The following VIP variants were observed in gnomAD, a reference collection of about 807,000 sequenced individuals.
VIP encodes the protein vasoactive intestinal peptide.
VIP carries 18 observed loss-of-function variants against 20.1 expected under a neutral mutation model. That is an observed-to-expected ratio of 0.90 (90% CI 0.62 to 1.33). VIP has a LOEUF of 1.33. Among genes scored for constraint, VIP ranks in the 40% most tolerant of loss-of-function variants. The probability of loss-of-function intolerance (pLI) is 0.00; values close to 1 mark genes in which losing one functional copy is unlikely to be tolerated. For synonymous variants in VIP, 70 were observed against 68.1 expected, an observed-to-expected ratio of 1.03 and a Z score of -0.14; for missense variants, 209 against 199.4, an observed-to-expected ratio of 1.05 and a Z score of -0.29.
chr6:152,754,674 T>C (rs141932022), intron 3 of VIP, among the ~76,000 whole-genome samples: 1 of 152,112 alleles, frequency 6.6e-6, no homozygotes, highest in East Asian at 1.9e-4. Context: ...GCTGTTTGTC[T>C]AGAGCATCAT....
At position 152,757,199 on chromosome 6, in the gene VIP, G is replaced by T. The variant is rs2099730552; in HGVS notation, c.*43+15G>T. 6.5e-7 allele frequency: 1 copy of T among 1,529,652 alleles called. No homozygotes were observed. The highest frequency in any genetic ancestry group is 9.0e-7 in the Non-Finnish European group (1 of 1,109,112). The allele number at this position is 1,529,652 out of a possible 1,614,324, so 94.8% of individuals were successfully genotyped here. On this transcript the variant is annotated intron_variant, in intron 6 of 6. Coordinates refer to ENST00000367244, the MANE Select transcript of VIP (RefSeq NM_003381.4). ...ACTTCCCAGTGGTGGGTATATTCGT[G>T]CATTCCTTCTGTATTCTTATGGCTG...
intron 1 of VIP, among the ~76,000 whole-genome samples, 171 bp from the exon 2 acceptor site, chr6:152,751,997 G>A (rs1417586421): frequency 6.6e-6 from 1 of 152,146 alleles, no homozygotes; most frequent in Non-Finnish European, 1.5e-5. Flanking sequence ...CTGTCACTGA[G>A]AGAAATACTG....
At chr6:152,755,004 C>T (rs1481893523) in intron 3 of VIP, among the ~76,000 whole-genome samples, 1 of 151,926 alleles carries the variant, frequency 6.6e-6, no homozygotes, top group South Asian at 2.1e-4. Flanking sequence ...AAAGATTCAA[C>T]CATGGAGGAA....
chr6:152,754,144 C>T, intron 2 of VIP, 22 bp from the exon 3 acceptor site: 1 of 1,604,474 alleles, frequency 6.2e-7, no homozygotes, highest in Non-Finnish European at 8.5e-7. Flanking sequence ...ATGTATTATT[C>T]TCGTGTAACT....
chr6:152,756,343 T>A, intron 5 of VIP, 78 bp downstream of exon 5: 6 of 1,461,810 alleles, frequency 4.1e-6, no homozygotes, highest in Non-Finnish European at 5.5e-6. Context: ...GAGACCTCTC[T>A]ATCTCACTTA....
At position 152,755,452 on chromosome 6, in the gene VIP, A is replaced by G; in HGVS notation, c.335+79A>G. The G allele has an allele frequency of 4.4e-6, 4 of 913,068 alleles. No homozygotes were observed. The East Asian group carries it at 9.2e-5, about 21-fold the overall frequency. 56.6% of individuals were successfully genotyped at this position (913,068 alleles called of 1,614,324 possible). ...ATTGTATTTTCACTCTTAACAAGTT[A>G]TTTACTTTGTTTGAAATTGAAAACT... On this transcript the variant is annotated intron_variant, in intron 4 of 6. Transcript: ENST00000367244.
intron 4 of VIP, 66 bp from the exon 5 acceptor site, chr6:152,756,068 G>C: frequency 7.2e-7 from 1 of 1,395,870 alleles, no homozygotes; most frequent in South Asian, 2.0e-5. Flanking sequence ...CAAGAAACCT[G>C]GAACATGTGT....
chr6:152,755,185 ATT>A, intron 3 of VIP, 82 bp from the exon 4 acceptor site: 1 of 843,866 alleles, frequency 1.2e-6, no homozygotes, highest in Non-Finnish European at 1.8e-6. Context: ...TAAGCCCATA[ATT>A]TTTTTGTTAT....
intron 5 of VIP, 48 bp from the exon 6 acceptor site, chr6:152,757,048 T>C: frequency 1.3e-6 from 2 of 1,591,214 alleles, no homozygotes; most frequent in South Asian, 1.1e-5. Flanking sequence ...CTTTAGACCC[T>C]TTCTCATCTG....
chr6:152,751,298 C>T (rs35643203), intron 1 of VIP, among the ~76,000 whole-genome samples: 5,528 of 151,948 alleles, frequency 0.036, 144 homozygotes, highest in Middle Eastern at 0.13. Context: ...AAATTTTCAA[C>T]TTATTTTTAA....
In VIP at chr6:152,759,717, TA is replaced by T. The variant is rs2129075548; in HGVS notation, c.*853del. 6.6e-6 allele frequency: 1 copy of T among 152,134 alleles called. No individual in the cohort carries two copies. Among genetic ancestry groups the T allele is most frequent in the South Asian group, 2.1e-4 (1 of 4,824 alleles). The allele number at this position is 152,134 out of a possible 1,614,324, so 9.4% of individuals were successfully genotyped here. ...CACAACTATTTTTCCAAAATAATTT[TA>T]AGAAATCAAAGAGAGAAAATAAAGA... On this transcript the variant is annotated 3_prime_UTR_variant, in exon 7 of 7. Coordinates refer to ENST00000367244, the MANE Select transcript of VIP (RefSeq NM_003381.4).
rs2099730267 is a variant in VIP at position 152,755,361 on chromosome 6, G to A, written c.323G>A (p.Gly108Glu). Residue 108 changes from glycine to glutamate, a missense_variant, in exon 4 of 7, where the codon GGA (glycine) becomes GAA (glutamate). Physicochemically the swap from Gly to Glu is moderately conservative, Grantham distance 98. Coordinates refer to ENST00000367244, the MANE Select transcript of VIP (RefSeq NM_003381.4). ...SAKKYLESLMGKRVSSNISED... is the reference protein window; with the variant it reads ...SAKKYLESLMEKRVSSNISED... ...AAAAAGTACCTTGAGTCTCTTATGG[G>A]AAAACGTGTTAGGTAAAGAGAATTT... is the stretch of plus-strand genomic sequence containing the variant. 1.9e-6 allele frequency: 3 copies of A among 1,565,538 alleles called. No individual in the cohort carries two copies. Among genetic ancestry groups the A allele is most frequent in the Non-Finnish European group, 2.6e-6 (3 of 1,153,804 alleles).
rs74582995 is a variant in VIP at position 152,752,356 on chromosome 6, T to C, written c.107+72T>C. The stretch of plus-strand genomic sequence containing the variant: ...AAATGGGAATTTCCTATACATTTTG[T>C]TGGACAACTAAATAGTATAAATTAT... On this transcript the variant is annotated intron_variant, in intron 2 of 6. Transcript: ENST00000367244. The C allele has an allele frequency of 1.9e-3, 2,419 of 1,293,028 alleles. 41 individuals carry two copies. The African/African-American group carries it at 0.032, about 17-fold the overall frequency. The allele number at this position is 1,293,028 out of a possible 1,614,324, so 80.1% of individuals were successfully genotyped here. A position where few individuals can be genotyped will look rare whatever the true frequency, so the allele number is the denominator to read the frequency against.
At chr6:152,756,403 A>G (rs560124825) in intron 5 of VIP, 138 bp downstream of exon 5, 2 of 1,006,602 alleles carry the variant, frequency 2.0e-6, no homozygotes, top group African/African-American at 3.3e-5. Context: ...CTGACATTAG[A>G]CTACCCCGCA....
intron 6 of VIP, among the ~76,000 whole-genome samples, chr6:152,757,636 A>G (rs2129075181): frequency 6.6e-6 from 1 of 152,078 alleles, no homozygotes; most frequent in Non-Finnish European, 1.5e-5. Flanking sequence ...ATGGCCCATT[A>G]CTATGAAAAT....
rs754723492 is a variant in VIP, at chr6:152,757,074, A to G, written c.468-22A>G. 9 of 1,611,090 alleles carry G rather than the reference A, an allele frequency of 5.6e-6. No individual in the cohort carries two copies. In the South Asian group the frequency reaches 9.9e-5, roughly 18 times the overall value. Reference sequence around the variant, plus strand: ...TTCTCATCTGAGAGCCTTAATATGTACAATGTTTTTCTGGTCTGCAGCAGT... The same window carrying G: ...TTCTCATCTGAGAGCCTTAATATGTGCAATGTTTTTCTGGTCTGCAGCAGT... On this transcript the variant is annotated intron_variant, in intron 5 of 6. Coordinates refer to ENST00000367244, the MANE Select transcript of VIP (RefSeq NM_003381.4).
In VIP at chr6:152,754,191, G is replaced by A. The variant is rs752652090; in HGVS notation, c.133G>A (p.Gly45Arg). Residue 45 changes from glycine to arginine, a missense_variant, in exon 3 of 7, where the codon GGA becomes AGA. By Grantham distance (125) the Gly-to-Arg change is moderately radical. Coordinates refer to ENST00000367244, the MANE Select transcript of VIP (RefSeq NM_003381.4). ...LRLGDRIPFE[G>R]ANEPDQVSLK... ...GTTGGGTGACAGAATACCCTTTGAGGGAGCAAATGAACCTGATCAAGTTTC... is the reference window on the plus strand; with the variant it reads ...GTTGGGTGACAGAATACCCTTTGAGAGAGCAAATGAACCTGATCAAGTTTC... 6.2e-6 allele frequency: 10 copies of A among 1,610,800 alleles called. No individual in the cohort carries two copies. Among genetic ancestry groups the A allele is most frequent in the Non-Finnish European group, 8.5e-6 (10 of 1,178,400 alleles).
At chr6:152,757,466 A>G (rs1025903595) in intron 6 of VIP, among the ~76,000 whole-genome samples, 2 of 151,888 alleles carry the variant, frequency 1.3e-5, no homozygotes, top group Admixed American at 1.3e-4. Flanking sequence ...CTACCTTTGT[A>G]TCAAGATAAA....
At chr6:152,757,310 A>G (rs751442383) in intron 6 of VIP, 126 bp downstream of exon 6, 23 of 620,508 alleles carry the variant, frequency 3.7e-5, no homozygotes, top group Non-Finnish European at 6.1e-5. Context: ...CTCATCCAAG[A>G]CAGACACTTC....
Sources: gnomAD v4.1 joint callset for allele counts (sites outside exome capture counted in the v4.1 genomes callset) on GRCh38, gnomAD v4.1.1 for gene constraint, MANE v1.5 for transcripts, NCBI Gene and HGNC (gene_info 2026-07-23, HGNC 2026-07-21) for gene names.